WDPCP: variants seen among roughly 807,000 people sequenced by gnomAD.
The protein encoded by WDPCP is WD repeat containing planar cell polarity effector.
WDPCP carries 71 observed loss-of-function variants against 93.1 expected under a neutral mutation model. That is an observed-to-expected ratio of 0.76 (90% CI 0.63 to 0.93). The LOEUF (loss-of-function observed/expected upper bound fraction) is 0.93, where lower values mean the gene tolerates loss of function less well. Ranked by LOEUF, WDPCP falls within the 40% of genes least tolerant of loss-of-function variation. The pLI, the probability that WDPCP is intolerant of heterozygous loss-of-function variation, is 0.00. For missense variants in WDPCP, 844 were observed against 887.4 expected (o/e 0.95, Z 0.62); for synonymous variants, 315 against 315.0 (o/e 1.00, Z 0.00).
chr2:63,260,268 A>G (rs1309022517), intron 13 of WDPCP, among the ~76,000 whole-genome samples: 2 of 152,224 alleles, frequency 1.3e-5, no homozygotes, highest in African/African-American at 4.8e-5. Context: ...TGGAGTCACT[A>G]AAAAGGATTT....
intron 2 of WDPCP, among the ~76,000 whole-genome samples, chr2:63,764,821 G>A (rs1670114072): frequency 6.6e-6 from 1 of 152,188 alleles, no homozygotes; most frequent in Non-Finnish European, 1.5e-5. Context: ...CCAAAGGGGT[G>A]TGACCTTTCT....
chr2:63,253,366 C>T (rs1397916724), intron 14 of WDPCP, among the ~76,000 whole-genome samples: 1 of 151,898 alleles, frequency 6.6e-6, no homozygotes, highest in Non-Finnish European at 1.5e-5. Context: ...AAAATAAATG[C>T]AACAATAACA....
At chr2:63,366,004 C>T (rs1294746450) in intron 12 of WDPCP, among the ~76,000 whole-genome samples, 1 of 152,102 alleles carries the variant, frequency 6.6e-6, no homozygotes, top group African/African-American at 2.4e-5. Flanking sequence ...GGAACTGAGA[C>T]TTGACTTGTC....
rs1331814820 is a variant in WDPCP, at chr2:63,607,737, G to A, written n.488+42922C>T. On this transcript the variant is annotated intron_variant and non_coding_transcript_variant, in intron 3 of 4. Coordinates refer to the WDPCP transcript ENST00000467687. ...CCCAGCTACTCGGGAGGCTGAGGCA[G>A]GAGAATGGCGTGAACCCGGGAGGCG... Among the ~76,000 whole-genome samples, 6 of 151,340 alleles carry A rather than the reference G, an allele frequency of 4.0e-5. 1 individual carries two copies. The highest frequency in any genetic ancestry group is 8.8e-5 in the Non-Finnish European group (6 of 67,894).
intron 12 of WDPCP, among the ~76,000 whole-genome samples, chr2:63,348,656 A>G (rs752950892): frequency 6.6e-6 from 1 of 152,184 alleles, no homozygotes; most frequent in Non-Finnish European, 1.5e-5. Flanking sequence ...ATGACTACGG[A>G]TATTATAATT....
intron 2 of WDPCP, among the ~76,000 whole-genome samples, chr2:63,708,916 T>C (rs1669214641): frequency 6.7e-6 from 1 of 149,260 alleles, no homozygotes; most frequent in Admixed American, 6.7e-5. Flanking sequence ...GGCCAATAGC[T>C]ACCCATTCTT....
intron 2 of WDPCP, among the ~76,000 whole-genome samples, chr2:63,708,131 A>G (rs908593566): frequency 7.9e-5 from 12 of 152,222 alleles, no homozygotes; most frequent in Admixed American, 4.6e-4. Context: ...GTGTGCTGGG[A>G]GAACCACTAC....
intron 17 of WDPCP, among the ~76,000 whole-genome samples, chr2:63,147,988 A>C (rs899513844): frequency 1.4e-5 from 2 of 143,456 alleles, no homozygotes; most frequent in East Asian, 2.0e-4. Context: ...AAAAAAAAAA[A>C]CTTACAGCCT....
At chr2:63,149,257 T>G (rs1378595201) in intron 17 of WDPCP, among the ~76,000 whole-genome samples, 1 of 152,116 alleles carries the variant, frequency 6.6e-6, no homozygotes, top group African/African-American at 2.4e-5. Flanking sequence ...AAGAAACATA[T>G]GAAAAGATGT....
chr2:63,540,584 TTTATA>T lies in WDPCP; in HGVS notation c.75+47608_75+47612del, dbSNP rs564006525. Reference sequence around the variant, plus strand: ...TGTGCCAGAAAATATATGAGACTGTTTTATATTATATGTGTTTATAAACGTGTCTC... The same window carrying T: ...TGTGCCAGAAAATATATGAGACTGTTTTATATGTGTTTATAAACGTGTCTC... On this transcript the variant is annotated intron_variant, in intron 1 of 17. Coordinates refer to ENST00000272321, the MANE Select transcript of WDPCP (RefSeq NM_015910.7). Among the ~76,000 whole-genome samples the T allele has an allele frequency of 7.0e-4, 106 of 152,304 alleles. 1 individual carries two copies. The highest frequency in any genetic ancestry group is 2.4e-3 in the African/African-American group (98 of 41,570).
intron 9 of WDPCP, among the ~76,000 whole-genome samples, chr2:63,410,747 A>G (rs1036393727): frequency 9.2e-5 from 14 of 152,236 alleles, no homozygotes; most frequent in African/African-American, 2.7e-4. Context: ...AGCTATTCTT[A>G]TATCAGACAA....
At chr2:63,671,716 C>T (rs1710350446) in intron 2 of WDPCP, among the ~76,000 whole-genome samples, 1 of 152,036 alleles carries the variant, frequency 6.6e-6, no homozygotes, top group African/African-American at 2.4e-5. Context: ...CCCCGCCAAT[C>T]TTTGCATATT....
At chr2:63,229,156 T>C (rs941960397) in intron 14 of WDPCP, 4 of 152,188 alleles carry the variant, frequency 2.6e-5, no homozygotes, top group African/African-American at 9.7e-5. Context: ...CTCATTGTGG[T>C]TTTGATTTGC....
chr2:63,519,777 C>A (rs1413462002), intron 1 of WDPCP, among the ~76,000 whole-genome samples: 1 of 151,964 alleles, frequency 6.6e-6, no homozygotes, highest in Non-Finnish European at 1.5e-5. Flanking sequence ...CATCAGCCCA[C>A]AAAGATGAGA....
At chr2:63,784,539 T>C (rs1313448167) in intron 2 of WDPCP, among the ~76,000 whole-genome samples, 2 of 151,812 alleles carry the variant, frequency 1.3e-5, no homozygotes, top group Admixed American at 1.3e-4. Context: ...GATTTTAAAA[T>C]TCTGAACTTT....
intron 12 of WDPCP, among the ~76,000 whole-genome samples, chr2:63,346,830 G>A (rs1401622603): frequency 2.0e-5 from 3 of 152,114 alleles, no homozygotes. Context: ...TTGCTCTCTG[G>A]TCTAGAAAGT....
At chr2:63,431,286 G>A (rs1696743004) in intron 9 of WDPCP, among the ~76,000 whole-genome samples, 1 of 151,886 alleles carries the variant, frequency 6.6e-6, no homozygotes, top group African/African-American at 2.4e-5. Flanking sequence ...GGTCTGGGTG[G>A]GCCTCTTTTA....
rs190396967 is a variant in WDPCP, at chr2:63,733,491, C to T, written n.308+80131G>A. Among the ~76,000 whole-genome samples the T allele has an allele frequency of 4.8e-4, 71 of 147,154 alleles. 2 individuals carry two copies. In the East Asian group the frequency reaches 0.012, roughly 24 times the overall value. The stretch of plus-strand genomic sequence containing the variant: ...TGCTGGGATTACAGGCGTGAGCCAC[C>T]GCGCCCGGCCGCCAAATAAATGATT... On this transcript the variant is annotated intron_variant and non_coding_transcript_variant, in intron 2 of 4. Transcript: ENST00000467687.
chr2:63,182,774 C>CTT (rs531449446), intron 14 of WDPCP, among the ~76,000 whole-genome samples: 64 of 92,242 alleles, frequency 6.9e-4, no homozygotes, highest in African/African-American at 2.2e-3. Context: ...TGGCCCTGGA[C>CTT]TTTTTTTTTT....
Sources: allele counts gnomAD v4.1 joint callset (sites outside exome capture counted in the v4.1 genomes callset), GRCh38; gene constraint gnomAD v4.1.1; transcripts MANE v1.5; gene names NCBI Gene and HGNC (gene_info 2026-07-23, HGNC 2026-07-21).